CELF4: variants seen among roughly 807,000 people sequenced by gnomAD.
CELF4 encodes the protein CUGBP Elav-like family member 4.
A neutral mutation model predicts 59.9 loss-of-function variants in CELF4; 18 were observed. The observed-to-expected ratio is 0.30, with a 90% confidence interval of 0.21 to 0.45. CELF4 has a LOEUF of 0.45. CELF4 is among the 20% of genes least tolerant of loss of function. The pLI is 1.00. For missense variants in CELF4, 456 were observed against 689.0 expected (o/e 0.66, Z 3.79); for synonymous variants, 261 against 267.1 (o/e 0.98, Z 0.22).
intron 2 of CELF4, among the ~76,000 whole-genome samples, chr18:37,373,687 C>T (rs2098930913): frequency 6.6e-6 from 1 of 152,218 alleles, no homozygotes; most frequent in Non-Finnish European, 1.5e-5. Flanking sequence ...CCAAAACCTC[C>T]CTGCCAGGTT....
At chr18:37,414,239 TATCTATCC>T (rs1406410471) in intron 2 of CELF4, among the ~76,000 whole-genome samples, 2 of 115,694 alleles carry the variant, frequency 1.7e-5, no homozygotes, top group Non-Finnish European at 3.8e-5. Context: ...TCTATCTATC[TATCTATCC>T]ATCCATTCAT....
At chr18:37,563,914 G>A (rs1166452829) in intron 1 of CELF4, among the ~76,000 whole-genome samples, 4 of 152,302 alleles carry the variant, frequency 2.6e-5, no homozygotes, top group African/African-American at 9.6e-5. Flanking sequence ...CGAAGGGAGG[G>A]CTGGAGAAAG....
rs1280311352 is a variant in CELF4, at chr18:37,297,785, C to T, written c.449-22542G>A. Among the ~76,000 whole-genome samples the T allele has an allele frequency of 2.0e-5, 3 of 152,238 alleles. No individual in the cohort carries two copies. The East Asian group carries it at 5.8e-4, about 29-fold the overall frequency. ...GTTCTGCCTGTTCTAAAACTTCGTA[C>T]ATTAATCTAGTTGTCTGTGCCTGGC... On this transcript the variant is annotated intron_variant, in intron 3 of 12. Coordinates refer to ENST00000420428, the MANE Select transcript of CELF4 (RefSeq NM_020180.4).
rs2099335557 is a variant in CELF4, at chr18:37,402,228, A to G, written c.370-80347T>C. 3.9e-5 allele frequency among the ~76,000 whole-genome samples: 6 copies of G among 152,214 alleles called. No individual in the cohort carries two copies. In the South Asian group the frequency reaches 6.2e-4, roughly 16 times the overall value. ...GCAGGGAGGCTGCTGAGGTGAATCC[A>G]TAAGTGTTTGGTCTGAACCACTTTA... On this transcript the variant is annotated intron_variant, in intron 2 of 12. Coordinates refer to ENST00000420428, the MANE Select transcript of CELF4 (RefSeq NM_020180.4).
At chr18:37,554,439 G>A (rs973419743) in intron 1 of CELF4, among the ~76,000 whole-genome samples, 1 of 152,144 alleles carries the variant, frequency 6.6e-6, no homozygotes, top group African/African-American at 2.4e-5. Context: ...TGTTTCTTAT[G>A]AGAAGGGGAG....
intron 2 of CELF4, among the ~76,000 whole-genome samples, chr18:37,348,414 A>G (rs953199932): frequency 6.6e-6 from 1 of 152,034 alleles, no homozygotes; most frequent in Non-Finnish European, 1.5e-5. Context: ...AGGGATGTGA[A>G]TGCACCCCCG....
chr18:37,455,794 G>A (rs756369610), intron 2 of CELF4, among the ~76,000 whole-genome samples: 46 of 152,210 alleles, frequency 3.0e-4, no homozygotes, highest in South Asian at 6.2e-4. Flanking sequence ...GACAGGCCGA[G>A]GTTTGGGCCC....
chr18:37,328,137 C>T (rs1400871347), intron 2 of CELF4, among the ~76,000 whole-genome samples: 1 of 152,230 alleles, frequency 6.6e-6, no homozygotes. Flanking sequence ...CCAGAGGCAG[C>T]CTCAGGACTG....
intron 2 of CELF4, among the ~76,000 whole-genome samples, chr18:37,325,511 C>A (rs1169508245): frequency 6.6e-6 from 1 of 152,242 alleles, no homozygotes; most frequent in Admixed American, 6.5e-5. Flanking sequence ...GCCCACTGTC[C>A]TTGGCATCTG....
intron 1 of CELF4, among the ~76,000 whole-genome samples, chr18:37,544,110 G>A (rs553345687): frequency 4.6e-5 from 7 of 152,122 alleles, no homozygotes; most frequent in Non-Finnish European, 1.0e-4. Context: ...GGGCAAGGGC[G>A]GCAAGGCCAG....
rs556333975 is a variant in CELF4 at position 37,330,164 on chromosome 18, C to T, written c.370-8283G>A. The stretch of plus-strand genomic sequence containing the variant: ...AGGTGGGTTTACTCTCCAGAGACCC[C>T]GCCCTCCACCAGAAATTTGTCTTCC... On this transcript the variant is annotated intron_variant, in intron 2 of 12. Coordinates refer to ENST00000420428, the MANE Select transcript of CELF4 (RefSeq NM_020180.4). 2.1e-4 allele frequency among the ~76,000 whole-genome samples: 32 copies of T among 152,274 alleles called. No homozygotes were observed. The East Asian group carries it at 5.0e-3, about 24-fold the overall frequency.
At chr18:37,479,351 C>T (rs1276494864) in intron 2 of CELF4, among the ~76,000 whole-genome samples, 1 of 152,190 alleles carries the variant, frequency 6.6e-6, no homozygotes, top group East Asian at 1.9e-4. Flanking sequence ...CCACCCTAGG[C>T]CCGGGATGGG....
At chr18:37,294,585 T>C (rs1304363755) in intron 3 of CELF4, among the ~76,000 whole-genome samples, 1 of 152,260 alleles carries the variant, frequency 6.6e-6, no homozygotes, top group Non-Finnish European at 1.5e-5. Flanking sequence ...ATCAGTTTGA[T>C]GAATTTATTC....
intron 2 of CELF4, among the ~76,000 whole-genome samples, chr18:37,405,960 C>T (rs2099386334): frequency 6.6e-6 from 1 of 152,150 alleles, no homozygotes; most frequent in African/African-American, 2.4e-5. Flanking sequence ...ATGCATAACA[C>T]CCCCACGCTC....
At chr18:37,540,727 G>A (rs76047678) in intron 1 of CELF4, among the ~76,000 whole-genome samples, 4,874 of 152,300 alleles carry the variant, frequency 0.032, 284 homozygotes, top group African/African-American at 0.11. Context: ...TCCAAGAAAG[G>A]GCAGCAGCAG....
chr18:37,298,821 C>T (rs564627749), intron 3 of CELF4, among the ~76,000 whole-genome samples: 5 of 152,228 alleles, frequency 3.3e-5, no homozygotes, highest in South Asian at 2.1e-4. Flanking sequence ...CTCCCAGTTC[C>T]GCTCCAGCCA....
At chr18:37,442,009 C>T (rs886520223) in intron 2 of CELF4, among the ~76,000 whole-genome samples, 1 of 77,264 alleles carries the variant, frequency 1.3e-5, no homozygotes, top group African/African-American at 4.5e-5. Flanking sequence ...ACCCAAACCG[C>T]AAAGACCCTA....
chr18:37,493,431 C>G (rs1314589871), intron 1 of CELF4, among the ~76,000 whole-genome samples: 6 of 152,232 alleles, frequency 3.9e-5, no homozygotes, highest in Non-Finnish European at 5.9e-5. Flanking sequence ...GTAGCTCACC[C>G]CAGGGCCCCC....
At chr18:37,384,096 G>A (rs773139479) in intron 2 of CELF4, among the ~76,000 whole-genome samples, 23 of 152,036 alleles carry the variant, frequency 1.5e-4, no homozygotes, top group East Asian at 5.8e-4. Context: ...CGCTCAATGC[G>A]GGGGTGACAG....
Sources: allele counts gnomAD v4.1 joint callset (sites outside exome capture counted in the v4.1 genomes callset), GRCh38; gene constraint gnomAD v4.1.1; transcripts MANE v1.5; gene names NCBI Gene and HGNC (gene_info 2026-07-23, HGNC 2026-07-21).